The following GSN variants were observed in gnomAD, a reference collection of about 807,000 sequenced individuals.
GSN encodes the protein actin-depolymerizing factor.
Under a neutral mutation model 85.7 loss-of-function variants are expected in GSN, and 56 were observed. The ratio of observed to expected loss-of-function variants is 0.65; its 90% CI spans 0.53 to 0.82. The LOEUF (loss-of-function observed/expected upper bound fraction) is 0.82, where lower values mean the gene tolerates loss of function less well. GSN is among the 40% of genes least tolerant of loss of function. GSN has a pLI of 0.00. For synonymous variants in GSN, 373 were observed against 399.1 expected (o/e 0.93, Z 0.78); for missense variants, 857 against 979.8 (o/e 0.87, Z 1.67).
chr9:121,254,081 T>C (rs998990321), intron 6 of GSN, among the ~76,000 whole-genome samples: 3 of 152,190 alleles, frequency 2.0e-5, no homozygotes, highest in African/African-American at 7.2e-5. Flanking sequence ...TGATGACCTA[T>C]TTAATCTAGA....
chr9:121,324,535 A>G lies in GSN; in HGVS notation c.1326-19A>G. The G allele has an allele frequency of 7.4e-7, 1 of 1,357,104 alleles. No homozygotes were observed. The highest frequency in any genetic ancestry group is 1.0e-6 in the Non-Finnish European group (1 of 971,452). 84.1% of individuals were successfully genotyped at this position (1,357,104 alleles called of 1,614,324 possible). On this transcript the variant is annotated intron_variant, in intron 11 of 17. Coordinates refer to ENST00000432226, the MANE Select transcript of GSN (RefSeq NM_198252.3). ...GGCTCTGTGTGCACCCTGATGCTGA[A>G]TCTCACTTCCCCTTCCAGGCAGGGT... is the stretch of plus-strand genomic sequence containing the variant.
Position 121,261,107 on chromosome 9 carries a change from A to C in GSN, c.-340-4047A>C, listed in dbSNP as rs2055075111. Among the ~76,000 whole-genome samples the C allele has an allele frequency of 6.6e-6, 1 of 152,250 alleles. No individual in the cohort carries two copies. The highest frequency in any genetic ancestry group is 1.9e-4 in the East Asian group (1 of 5,204). On this transcript the variant is annotated intron_variant, in intron 6 of 24. Transcript: ENST00000373823. This position sits in a 1 kb window ranked among gnomAD's most constrained non-coding sequence, Gnocchi z 4.1. ...TAATATAACTCTCTGTAAATGGTGC[A>C]GTCCACTGTACAAAGTACTGCCCCC...
chr9:121,246,204 A>G (rs1222758330), intron 5 of GSN, among the ~76,000 whole-genome samples: 2 of 152,212 alleles, frequency 1.3e-5, no homozygotes, highest in Non-Finnish European at 2.9e-5. Flanking sequence ...TGGGCACATT[A>G]GGATCATTAT....
intron 6 of GSN, among the ~76,000 whole-genome samples, chr9:121,255,162 A>G (rs2132256906): frequency 6.6e-6 from 1 of 152,226 alleles, no homozygotes; most frequent in Non-Finnish European, 1.5e-5. Flanking sequence ...ATTAGCCAGG[A>G]TGGTCTCCAT....
At chr9:121,245,120 A>G (rs1317170593) in intron 5 of GSN, among the ~76,000 whole-genome samples, 1 of 152,210 alleles carries the variant, frequency 6.6e-6, no homozygotes, top group Non-Finnish European at 1.5e-5. Context: ...CACAAAGAAG[A>G]CTTTAGTGAC....
intron 4 of GSN, among the ~76,000 whole-genome samples, chr9:121,219,959 G>A (rs1329535097): frequency 6.6e-6 from 1 of 151,394 alleles, no homozygotes; most frequent in Admixed American, 6.6e-5. Context: ...TCAGCTCACC[G>A]CAATCTCCGC....
the GSN span, chr9:121,201,802 G>C: frequency 6.6e-6 from 1 of 152,400 alleles, no homozygotes; most frequent in Non-Finnish European, 1.5e-5. Flanking sequence ...CAGCAGTAGC[G>C]GCAGTAGCAG....
At chr9:121,314,885 A>T (rs955775629) in intron 7 of GSN, among the ~76,000 whole-genome samples, 1 of 152,148 alleles carries the variant, frequency 6.6e-6, no homozygotes, top group African/African-American at 2.4e-5. Flanking sequence ...ATTTTGAGAT[A>T]GGGTCTTGCT....
At chr9:121,234,242 A>G (rs1420522308) in intron 5 of GSN, among the ~76,000 whole-genome samples, 3 of 152,278 alleles carry the variant, frequency 2.0e-5, no homozygotes, top group Middle Eastern at 3.4e-3. Flanking sequence ...TGGTATCTTG[A>G]TTTTGGGTGG....
chr9:121,297,728 G>A (rs2059352701), intron 2 of GSN: 1 of 152,186 alleles, frequency 6.6e-6, no homozygotes, highest in Non-Finnish European at 1.5e-5. Context: ...GCTGCATAGT[G>A]TCTATTGTAA....
chr9:121,232,517 G>A (rs1035345531), intron 5 of GSN, among the ~76,000 whole-genome samples: 1 of 152,094 alleles, frequency 6.6e-6, no homozygotes, highest in Non-Finnish European at 1.5e-5. Context: ...TCAGTTAAGG[G>A]GCAGACTCCA....
At chr9:121,203,378 C>G (rs1191440838), upstream of GSN, 1 of 151,572 alleles carries the variant, frequency 6.6e-6, no homozygotes, top group Non-Finnish European at 1.5e-5. Context: ...GTAATGGGAT[C>G]ATACCTGTGA....
intron 6 of GSN, among the ~76,000 whole-genome samples, chr9:121,255,093 C>T (rs544016101): frequency 1.1e-3 from 166 of 152,192 alleles, no homozygotes; most frequent in Non-Finnish European, 2.1e-3. Context: ...GGACTACAGG[C>T]GCCCGCCACC....
intron 1 of GSN, among the ~76,000 whole-genome samples, chr9:121,271,662 G>T (rs941852735): frequency 6.6e-6 from 1 of 152,218 alleles, no homozygotes; most frequent in Non-Finnish European, 1.5e-5. Context: ...ATGCTTTTAT[G>T]AGGGGTGGGT....
In GSN at chr9:121,329,712, G is replaced by A. The variant is rs2063674327; in HGVS notation, c.1965+397G>A. On this transcript the variant is annotated intron_variant, in intron 16 of 17. Coordinates refer to ENST00000432226, the MANE Select transcript of GSN (RefSeq NM_198252.3). This position sits in a 1 kb window ranked among gnomAD's most constrained non-coding sequence, Gnocchi z 4.6. ...CACCTAGAGGCTCTAGAGGGCTCCTGCTTCTGGTTTGAGGGCTCTGGGCTC... is the reference window on the plus strand; with the variant it reads ...CACCTAGAGGCTCTAGAGGGCTCCTACTTCTGGTTTGAGGGCTCTGGGCTC... Among the ~76,000 whole-genome samples, 1 of 152,212 alleles carries A rather than the reference G, an allele frequency of 6.6e-6. No individual in the cohort carries two copies. The highest frequency in any genetic ancestry group is 1.5e-5 in the Non-Finnish European group (1 of 68,040).
chr9:121,256,449 T>A (rs1164294348), intron 6 of GSN, among the ~76,000 whole-genome samples: 1 of 152,218 alleles, frequency 6.6e-6, no homozygotes, highest in African/African-American at 2.4e-5. Flanking sequence ...ATACTGCATG[T>A]TCCCACTCAT....
chr9:121,207,276 T>C (rs1183384101), upstream of GSN, among the ~76,000 whole-genome samples: 2 of 151,990 alleles, frequency 1.3e-5, no homozygotes, highest in East Asian at 3.9e-4. Flanking sequence ...AAGACAGAGG[T>C]CTGTATTATT....
chr9:121,317,185 C>T lies in GSN; in HGVS notation c.853C>T (p.His285Tyr), dbSNP rs1053679845. ...GTCAGAGGACTGCTTCATCCTGGAC[C>T]ACGGCAAAGATGGGAAAATCTTTGT... ...LKSEDCFILD[H>Y]GKDGKIFVWK... Residue 285 changes from histidine (H) to tyrosine (Y), a missense_variant, in exon 8 of 18, where the codon CAC becomes TAC. By Grantham distance (83) the His-to-Tyr change is moderately conservative. Coordinates refer to ENST00000432226, the MANE Select transcript of GSN (RefSeq NM_198252.3). The T allele has an allele frequency of 6.2e-7, 1 of 1,614,180 alleles. No homozygotes were observed. The highest frequency in any genetic ancestry group is 1.3e-5 in the African/African-American group (1 of 75,050).
chr9:121,318,989 G>T lies in GSN; in HGVS notation c.1191+109G>T. On this transcript the variant is annotated intron_variant, in intron 10 of 17. Coordinates refer to ENST00000432226, the MANE Select transcript of GSN (RefSeq NM_198252.3). The surrounding 1 kb of genome is among the most constrained non-coding windows in gnomAD (Gnocchi z 4.3). ...TCTCTCTGAGGTTTGCACAACTTTG[G>T]TAGCTGAGATTCTTTGGTGTTACTT... is the stretch of plus-strand genomic sequence containing the variant. 1.1e-6 allele frequency: 1 copy of T among 880,216 alleles called. No homozygotes were observed. Among genetic ancestry groups the T allele is most frequent in the South Asian group, 1.5e-5 (1 of 67,860 alleles). 54.5% of individuals were successfully genotyped at this position (880,216 alleles called of 1,614,324 possible).
Sources: allele counts gnomAD v4.1 joint callset (sites outside exome capture counted in the v4.1 genomes callset), GRCh38; gene constraint gnomAD v4.1.1; non-coding constraint Gnocchi (gnomAD v3.1); transcripts MANE v1.5; gene names NCBI Gene and HGNC (gene_info 2026-07-23, HGNC 2026-07-21).